DCDC1: variants seen among roughly 807,000 people sequenced by gnomAD.
DCDC1 encodes the protein doublecortin domain-containing protein 1.
DCDC1 carries 200 observed loss-of-function variants against 178.3 expected under a neutral mutation model. That is an observed-to-expected ratio of 1.12 (90% CI 1.00 to 1.26). The LOEUF (loss-of-function observed/expected upper bound fraction) is 1.26. Among genes scored for constraint, DCDC1 ranks in the 50% most tolerant of loss-of-function variants. The pLI, the probability that DCDC1 is intolerant of heterozygous loss-of-function variation, is 0.00. For synonymous variants in DCDC1, 690 were observed against 604.8 expected, an observed-to-expected ratio of 1.14 and a Z score of -2.07; for missense variants, 1,983 against 1,749.2, an observed-to-expected ratio of 1.13 and a Z score of -2.38.
chr11:30,898,761 T>C (rs923258253), intron 34 of DCDC1, among the ~76,000 whole-genome samples: 4 of 152,226 alleles, frequency 2.6e-5, no homozygotes, highest in Admixed American at 6.5e-5. Flanking sequence ...TTAAGTCTAA[T>C]GCAGTTAGGA....
intron 20 of DCDC1, among the ~76,000 whole-genome samples, chr11:31,046,424 G>T (rs992066432): frequency 4.6e-5 from 7 of 151,910 alleles, no homozygotes; most frequent in Non-Finnish European, 8.8e-5. Flanking sequence ...CATATATGAT[G>T]TGTACCAAAT....
chr11:31,235,940 C>T, intron 9 of DCDC1, among the ~76,000 whole-genome samples: 1 of 151,842 alleles, frequency 6.6e-6, no homozygotes, highest in South Asian at 2.1e-4. Context: ...AAAAGAAAAA[C>T]CTCTATTTTT....
intron 11 of DCDC1, 81 bp downstream of exon 11, chr11:31,127,388 G>A (rs1482513022): frequency 3.6e-6 from 2 of 562,494 alleles, no homozygotes; most frequent in Non-Finnish European, 3.2e-6. Flanking sequence ...AAGCTAAGTG[G>A]CATTGTTATA....
intron 38 of DCDC1, among the ~76,000 whole-genome samples, chr11:30,867,992 C>G (rs1941157320): frequency 6.6e-6 from 1 of 152,104 alleles, no homozygotes; most frequent in Non-Finnish European, 1.5e-5. Context: ...AATATTCCTT[C>G]CATTCTAATT....
At chr11:31,140,447 T>C (rs764088498) in intron 9 of DCDC1, among the ~76,000 whole-genome samples, 3 of 152,198 alleles carry the variant, frequency 2.0e-5, no homozygotes, top group African/African-American at 7.2e-5. Flanking sequence ...ATTGTGCACA[T>C]GAAAATCTAA....
intron 20 of DCDC1, among the ~76,000 whole-genome samples, chr11:31,056,324 A>G (rs900439111): frequency 1.3e-5 from 2 of 152,160 alleles, no homozygotes; most frequent in South Asian, 4.1e-4. Context: ...ATATCAAATA[A>G]TAACATGTTA....
rs141063677 is a variant in DCDC1 at position 31,153,785 on chromosome 11, A to AACACACACACACACACACACACACAC, written c.1222-16027_1222-16002dup. Among the ~76,000 whole-genome samples the AACACACACACACACACACACACACAC allele has an allele frequency of 3.5e-3, 467 of 132,666 alleles. 7 individuals carry two copies. Among genetic ancestry groups the AACACACACACACACACACACACACAC allele is most frequent in the Middle Eastern group, 0.016 (4 of 256 alleles). The allele number at this position is 132,666 out of a possible 152,430, so 87.0% of individuals were successfully genotyped here. A position where few individuals can be genotyped will look rare whatever the true frequency, so the allele number is the denominator to read the frequency against. On this transcript the variant is annotated intron_variant, in intron 9 of 38. Coordinates refer to ENST00000684477, the MANE Select transcript of DCDC1 (RefSeq NM_001387274.1). ...GCGATAGAGCCAGACTCAGTCTTAA[A>AACACACACACACACACACACACACAC]ACACACACACACACACACACACACA...
intron 3 of DCDC1, among the ~76,000 whole-genome samples, chr11:31,311,306 G>A (rs1484138453): frequency 1.3e-5 from 2 of 152,118 alleles, no homozygotes; most frequent in Non-Finnish European, 2.9e-5. Context: ...GCACAATGGA[G>A]GTACACAGGA....
At chr11:31,309,816 T>C (rs973543187) in intron 3 of DCDC1, among the ~76,000 whole-genome samples, 7 of 152,222 alleles carry the variant, frequency 4.6e-5, no homozygotes, top group Non-Finnish European at 7.3e-5. Flanking sequence ...GTTTTAATCA[T>C]GTTATATCCT....
intron 17 of DCDC1, 61 bp downstream of exon 17, chr11:31,091,331 AC>A: frequency 1.5e-6 from 1 of 677,298 alleles, no homozygotes; most frequent in Non-Finnish European, 2.7e-6. Context: ...TCACAATTGA[AC>A]TGCTCAGAAT....
intron 20 of DCDC1, among the ~76,000 whole-genome samples, chr11:30,968,711 T>TTATATTTATATATATATATATATA (rs1949596880): frequency 1.6e-5 from 1 of 61,058 alleles, no homozygotes; most frequent in African/African-American, 7.8e-5. Flanking sequence ...ATATATCAAA[T>TTATATTTATATATATATATATATA]TATATATATA....
intron 1 of DCDC1, among the ~76,000 whole-genome samples, chr11:31,359,128 C>CGCACA (rs1951560941): frequency 1.4e-5 from 2 of 140,050 alleles, no homozygotes; most frequent in Admixed American, 1.5e-4. Flanking sequence ...TAAAGACACA[C>CGCACA]GCACACGTAT....
intron 9 of DCDC1, among the ~76,000 whole-genome samples, chr11:31,161,389 C>T (rs1391860883): frequency 1.3e-5 from 2 of 152,186 alleles, no homozygotes; most frequent in Non-Finnish European, 2.9e-5. Flanking sequence ...AAGTACTTCT[C>T]AGGCAAGGGG....
At chr11:31,104,407 C>A (rs1216398341) in intron 13 of DCDC1, among the ~76,000 whole-genome samples, 1 of 152,002 alleles carries the variant, frequency 6.6e-6, no homozygotes, top group Non-Finnish European at 1.5e-5. Context: ...TAAACTGAAT[C>A]TAATCATGAG....
intron 1 of DCDC1, among the ~76,000 whole-genome samples, chr11:31,345,269 TA>T (rs1292147560): frequency 6.6e-6 from 1 of 152,208 alleles, no homozygotes; most frequent in Admixed American, 6.5e-5. Flanking sequence ...AAAAATGGAA[TA>T]AACGTAAGTT....
intron 20 of DCDC1, among the ~76,000 whole-genome samples, chr11:31,024,955 T>C (rs1372299764): frequency 6.6e-6 from 1 of 151,942 alleles, no homozygotes; most frequent in Non-Finnish European, 1.5e-5. Flanking sequence ...TTTCCATTAA[T>C]TTCTCTGTTA....
rs148167450 is a variant in DCDC1, at chr11:31,011,913, C to T, written c.2591+52556G>A. 2.2e-4 allele frequency among the ~76,000 whole-genome samples: 33 copies of T among 152,216 alleles called. No homozygotes were observed. The East Asian group carries it at 5.4e-3, about 25-fold the overall frequency. On this transcript the variant is annotated intron_variant, in intron 20 of 38. Transcript: ENST00000684477. Reference sequence around the variant, plus strand: ...TTGTGTCCCCGCCCAAATCTTATGTCGAATTGTAATCCCCAGCGTTGGAGG... The same window carrying T: ...TTGTGTCCCCGCCCAAATCTTATGTTGAATTGTAATCCCCAGCGTTGGAGG...
intron 9 of DCDC1, among the ~76,000 whole-genome samples, chr11:31,177,055 A>G (rs2136258350): frequency 6.6e-6 from 1 of 152,280 alleles, no homozygotes; most frequent in African/African-American, 2.4e-5. Context: ...CCTAGCATGA[A>G]GGTTTAAAGT....
chr11:30,996,586 C>T (rs1196695945), intron 20 of DCDC1, among the ~76,000 whole-genome samples: 2 of 152,176 alleles, frequency 1.3e-5, no homozygotes, highest in East Asian at 3.9e-4. Flanking sequence ...TCCCTTTTGC[C>T]CTTTCTGTAT....
Sources: allele counts gnomAD v4.1 joint callset (sites outside exome capture counted in the v4.1 genomes callset), GRCh38; gene constraint gnomAD v4.1.1; transcripts MANE v1.5; gene names NCBI Gene and HGNC (gene_info 2026-07-23, HGNC 2026-07-21).